CMIP: variants seen among roughly 807,000 people sequenced by gnomAD.
CMIP encodes C-Maf-inducing protein.
In CMIP, 13 loss-of-function variants were observed where a neutral mutation model predicts 97.3. That is an observed-to-expected ratio of 0.13 (90% confidence interval 0.09 to 0.21). The LOEUF (loss-of-function observed/expected upper bound fraction) is 0.21, where lower values mean the gene tolerates loss of function less well. Among genes scored for constraint, CMIP ranks in the 10% least tolerant of loss-of-function variants. CMIP has a pLI of 1.00. For synonymous variants in CMIP, 538 were observed against 436.3 expected, an observed-to-expected ratio of 1.23 and a Z score of -2.91; for missense variants, 847 against 1,024.9, an observed-to-expected ratio of 0.83 and a Z score of 2.37.
intron 2 of CMIP, among the ~76,000 whole-genome samples, chr16:81,615,366 G>A (rs1413346728): frequency 6.8e-6 from 1 of 147,898 alleles, no homozygotes; most frequent in East Asian, 2.0e-4. Context: ...GTGTGCATGT[G>A]TAACTGTATG....
intron 1 of CMIP, among the ~76,000 whole-genome samples, chr16:81,507,842 G>A (rs1479560727): frequency 6.6e-6 from 1 of 152,214 alleles, no homozygotes; most frequent in Non-Finnish European, 1.5e-5. Flanking sequence ...GGGTTCTGGG[G>A]AAGGGCTGTG....
intron 1 of CMIP, among the ~76,000 whole-genome samples, chr16:81,526,551 G>T (rs1369347229): frequency 6.6e-6 from 1 of 152,202 alleles, no homozygotes; most frequent in Non-Finnish European, 1.5e-5. Context: ...GAGGGGATCT[G>T]TTACTCCATT....
At chr16:81,699,018 G>A (rs1472166208) in intron 14 of CMIP, among the ~76,000 whole-genome samples, 2 of 152,226 alleles carry the variant, frequency 1.3e-5, no homozygotes, top group Admixed American at 6.5e-5. Flanking sequence ...GTGGGAAGCC[G>A]AGTTGGGTGG....
intron 20 of CMIP, among the ~76,000 whole-genome samples, chr16:81,708,231 G>C (rs1908369812): frequency 6.6e-6 from 1 of 152,246 alleles, no homozygotes; most frequent in Non-Finnish European, 1.5e-5. Context: ...CAGGGGCACA[G>C]CCAGCAGATC....
At chr16:81,664,413 C>G in intron 7 of CMIP, 64 bp downstream of exon 7, 1 of 1,483,934 alleles carries the variant, frequency 6.7e-7, no homozygotes, top group Non-Finnish European at 9.2e-7. Context: ...GCGCGCCTCC[C>G]TGGCCTTTTG....
At chr16:81,645,618 A>T in intron 3 of CMIP, 1 of 1,535,686 alleles carries the variant, frequency 6.5e-7, no homozygotes, top group Non-Finnish European at 8.7e-7. Context: ...CTTCCTTGAC[A>T]AGCAGAGAGG....
chr16:81,604,788 C>T (rs1352053937), intron 1 of CMIP, among the ~76,000 whole-genome samples: 3 of 152,178 alleles, frequency 2.0e-5, no homozygotes, highest in East Asian at 1.9e-4. Flanking sequence ...ATCAAAGCCA[C>T]GTTAAGACAG....
intron 1 of CMIP, among the ~76,000 whole-genome samples, chr16:81,488,077 G>C (rs966854990): frequency 1.4e-5 from 2 of 145,958 alleles, no homozygotes; most frequent in African/African-American, 2.6e-5. Context: ...TTGGCAAGAC[G>C]CCGTTTGCAT....
At chr16:81,557,714 T>TATGA (rs2090793419) in intron 1 of CMIP, among the ~76,000 whole-genome samples, 1 of 152,206 alleles carries the variant, frequency 6.6e-6, no homozygotes, top group African/African-American at 2.4e-5. Context: ...TACAATGAGC[T>TATGA]ATGATGTTGC....
At chr16:81,657,207 A>T (rs8061723) in intron 4 of CMIP, among the ~76,000 whole-genome samples, 4 of 152,008 alleles carry the variant, frequency 2.6e-5, no homozygotes, top group Non-Finnish European at 5.9e-5. Context: ...CAACCTAATT[A>T]TGTTTTTGCA....
chr16:81,479,898 C>G (rs1453186381), intron 1 of CMIP, among the ~76,000 whole-genome samples: 1 of 152,132 alleles, frequency 6.6e-6, no homozygotes, highest in Non-Finnish European at 1.5e-5. Flanking sequence ...GAAAGAAAAT[C>G]CTGGCCAGCT....
chr16:81,645,677 G>T, intron 3 of CMIP: 1 of 1,482,824 alleles, frequency 6.7e-7, no homozygotes, highest in Non-Finnish European at 9.1e-7. Flanking sequence ...GAAGCAGGAG[G>T]CTCTGCCTGC....
chr16:81,574,038 C>T (rs1311093285), intron 1 of CMIP, among the ~76,000 whole-genome samples: 1 of 152,202 alleles, frequency 6.6e-6, no homozygotes, highest in East Asian at 1.9e-4. Flanking sequence ...TCACTAGCCA[C>T]GTGTGCCTGT....
chr16:81,474,038 T>A (rs1907728251), intron 1 of CMIP, among the ~76,000 whole-genome samples: 1 of 152,020 alleles, frequency 6.6e-6, no homozygotes, highest in Non-Finnish European at 1.5e-5. Flanking sequence ...TCATCCCCAT[T>A]CTACAGCTAA....
chr16:81,570,336 A>T (rs528356606), intron 1 of CMIP, among the ~76,000 whole-genome samples: 53 of 152,010 alleles, frequency 3.5e-4, no homozygotes, highest in Non-Finnish European at 2.4e-4. Context: ...CTGGCAGTAG[A>T]CTTCCGGGAT....
chr16:81,517,323 A>C (rs1004371550), intron 1 of CMIP, among the ~76,000 whole-genome samples: 9 of 152,264 alleles, frequency 5.9e-5, no homozygotes, highest in African/African-American at 2.2e-4. Context: ...AGAATAGGTC[A>C]GTATGTCTTA....
chr16:81,524,283 G>GT (rs2090085647), intron 1 of CMIP, among the ~76,000 whole-genome samples: 1 of 152,242 alleles, frequency 6.6e-6, no homozygotes, highest in Non-Finnish European at 1.5e-5. Context: ...GGCTCTGGGG[G>GT]TAACATGGCA....
chr16:81,620,072 AAGCCTGG>A (rs2091972806), intron 2 of CMIP: 1 of 152,226 alleles, frequency 6.6e-6, no homozygotes, highest in African/African-American at 2.4e-5. Flanking sequence ...GCCATGTGCC[AAGCCTGG>A]TTCTAGATGC....
intron 1 of CMIP, among the ~76,000 whole-genome samples, chr16:81,598,884 G>A (rs569954775): frequency 5.4e-5 from 8 of 149,114 alleles, no homozygotes; most frequent in African/African-American, 2.0e-4. Context: ...CAGGAGAATC[G>A]CTTGAAGCCG....
Sources: allele counts gnomAD v4.1 joint callset (sites outside exome capture counted in the v4.1 genomes callset), GRCh38; gene constraint gnomAD v4.1.1; transcripts MANE v1.5; gene names NCBI Gene and HGNC (gene_info 2026-07-23, HGNC 2026-07-21).